The following DYNC2I1 variants were observed in gnomAD, a reference collection of about 807,000 sequenced individuals.
DYNC2I1 encodes dynein 2 intermediate chain 1, also known as cytoplasmic dynein 2 intermediate chain 1.
DYNC2I1 carries 89 observed loss-of-function variants against 133.4 expected under a neutral mutation model. The observed-to-expected ratio is 0.67, with a 90% confidence interval of 0.56 to 0.80. DYNC2I1 has a LOEUF of 0.80. Among genes scored for constraint, DYNC2I1 ranks in the 30% least tolerant of loss-of-function variants. The probability of loss-of-function intolerance (pLI) is 0.00; values close to 1 mark genes in which losing one functional copy is unlikely to be tolerated. For missense variants in DYNC2I1, 1,291 were observed against 1,314.5 expected (o/e 0.98, Z 0.28); for synonymous variants, 504 against 484.3 (o/e 1.04, Z -0.54).
chr7:158,856,260 C>G (rs1171410250), upstream of DYNC2I1, among the ~76,000 whole-genome samples: 1 of 152,182 alleles, frequency 6.6e-6, no homozygotes, highest in Non-Finnish European at 1.5e-5. Context: ...ACGTAAAGCT[C>G]TTTTCAATAT....
intron 6 of DYNC2I1, among the ~76,000 whole-genome samples, chr7:158,885,997 C>A (rs1844559471): frequency 6.7e-6 from 1 of 149,560 alleles, no homozygotes; most frequent in South Asian, 2.1e-4. Context: ...ATAAATCTTT[C>A]TTTTAGAAAG....
chr7:158,914,199 A>T, intron 13 of DYNC2I1, 34 bp from the exon 14 acceptor site: 1 of 1,558,206 alleles, frequency 6.4e-7, no homozygotes. Context: ...TTTAGAGTCG[A>T]CTTCGTTGAT....
intron 21 of DYNC2I1, 51 bp from the exon 22 acceptor site, chr7:158,934,078 C>A (rs1360735994): frequency 1.6e-6 from 2 of 1,281,856 alleles, no homozygotes; most frequent in Non-Finnish European, 2.2e-6. Flanking sequence ...CATCATTATT[C>A]TTAAGGTTGG....
Position 158,876,725 on chromosome 7 carries a change from A to G in DYNC2I1, c.573+34A>G, listed in dbSNP as rs748141402. The G allele has an allele frequency of 7.3e-6, 11 of 1,516,370 alleles. No individual in the cohort carries two copies. The South Asian group carries it at 1.5e-4, about 20-fold the overall frequency. The allele number at this position is 1,516,370 out of a possible 1,614,324, so 93.9% of individuals were successfully genotyped here. On this transcript the variant is annotated intron_variant, in intron 4 of 24. Coordinates refer to ENST00000407559, the MANE Select transcript of DYNC2I1 (RefSeq NM_018051.5). ...AGCAAGGCCTGGGGAAAAGTTTTCC[A>G]AATGTTGCCAAGTAAAGGATGTTTT...
chr7:158,915,521 G>A (rs1848045300), intron 14 of DYNC2I1, among the ~76,000 whole-genome samples: 3 of 150,926 alleles, frequency 2.0e-5, no homozygotes, highest in Non-Finnish European at 3.0e-5. Flanking sequence ...TGAGATAAAG[G>A]ATGATGGTGA....
intron 15 of DYNC2I1, among the ~76,000 whole-genome samples, chr7:158,920,593 G>A (rs534471442): frequency 6.6e-6 from 1 of 152,202 alleles, no homozygotes; most frequent in East Asian, 1.9e-4. Context: ...CACGTGAAGT[G>A]CATGTGTGTA....
intron 4 of DYNC2I1, among the ~76,000 whole-genome samples, chr7:158,877,863 G>A (rs1471417338): frequency 6.6e-6 from 1 of 152,216 alleles, no homozygotes; most frequent in African/African-American, 2.4e-5. Flanking sequence ...TGAGAGATGT[G>A]GCAGCCTTGT....
rs543701799 is a variant in DYNC2I1, at chr7:158,857,852, A to G, written c.15+1102A>G. 3.5e-4 allele frequency among the ~76,000 whole-genome samples: 50 copies of G among 144,232 alleles called. 2 individuals are homozygous for G. The South Asian group carries it at 4.9e-3, about 14-fold the overall frequency. The allele number at this position is 144,232 out of a possible 152,430, so 94.6% of individuals were successfully genotyped here. ...GTCGCCCAGGCTGGAGTACAGTGGC[A>G]CGATCTCTACTCACCGCAACCTCCA... On this transcript the variant is annotated intron_variant, in intron 1 of 24. Coordinates refer to ENST00000407559, the MANE Select transcript of DYNC2I1 (RefSeq NM_018051.5).
At chr7:158,857,353 C>T (rs532216371) in intron 1 of DYNC2I1, among the ~76,000 whole-genome samples, 5 of 152,236 alleles carry the variant, frequency 3.3e-5, no homozygotes, top group South Asian at 4.1e-4. Flanking sequence ...CTTTCATTAA[C>T]ACTCAATAAA....
In DYNC2I1 at chr7:158,923,711, C is replaced by G; in HGVS notation, c.2235C>G (p.Phe745Leu). ...CGCTGAGCGATGGCTTCTGGACGTT[C>G]CGGACCGCCACGTTTTCCACCGGTC... ...SVTLSDGFWT[F>L]RTATFSTDGI... is the part of the protein sequence containing the mutation. Residue 745 changes from phenylalanine (F) to leucine (L), a missense_variant, in exon 17 of 25, where the codon TTC becomes TTG. Coordinates refer to ENST00000407559, the MANE Select transcript of DYNC2I1 (RefSeq NM_018051.5). 1.2e-6 allele frequency: 2 copies of G among 1,611,856 alleles called. No homozygotes were observed. The highest frequency in any genetic ancestry group is 1.7e-5 in the Admixed American group (1 of 59,804).
intron 14 of DYNC2I1, among the ~76,000 whole-genome samples, chr7:158,915,038 G>C (rs1420335216): frequency 6.6e-6 from 1 of 152,166 alleles, no homozygotes; most frequent in Non-Finnish European, 1.5e-5. Flanking sequence ...GTGGAACGTT[G>C]TGAAACCTCA....
At chr7:158,894,854 G>A (rs1845618115) in intron 8 of DYNC2I1, among the ~76,000 whole-genome samples, 1 of 144,858 alleles carries the variant, frequency 6.9e-6, no homozygotes, top group African/African-American at 2.6e-5. Flanking sequence ...CCTGCATTCG[G>A]TGTTGTTGGT....
Position 158,925,574 on chromosome 7 carries a change from A to G in DYNC2I1, c.2258-613A>G, listed in dbSNP as rs566044134. ...GTTTGGCGTTTTTCTACTTGTAGAC[A>G]TTCTGTAGGTGTATATTTTAGGTCA... On this transcript the variant is annotated intron_variant, in intron 17 of 24. Transcript: ENST00000407559. Among the ~76,000 whole-genome samples, 3 of 152,118 alleles carry G rather than the reference A, an allele frequency of 2.0e-5. No individual in the cohort carries two copies. In the South Asian group the frequency reaches 6.2e-4, roughly 32 times the overall value.
At position 158,918,963 on chromosome 7, in the gene DYNC2I1, A is replaced by G. The variant is rs553578875; in HGVS notation, c.1921+94A>G. The G allele has an allele frequency of 6.2e-5, 82 of 1,314,120 alleles. 1 individual carries two copies. The East Asian group carries it at 2.0e-3, about 32-fold the overall frequency. 81.4% of individuals were successfully genotyped at this position (1,314,120 alleles called of 1,614,324 possible). A position where few individuals can be genotyped will look rare whatever the true frequency, so the allele number is the denominator to read the frequency against. ...TAGTATAATATTTTATTTTAATGTG[A>G]TGGGGTTTAATGTACATAAAACTGA... On this transcript the variant is annotated intron_variant, in intron 15 of 24. Transcript: ENST00000407559.
the DYNC2I1 span, among the ~76,000 whole-genome samples, chr7:158,839,911 C>G: frequency 6.6e-6 from 1 of 152,054 alleles, no homozygotes; most frequent in African/African-American, 2.4e-5. Flanking sequence ...GCCCCAGCCT[C>G]TTGGGTTGAT....
At chr7:158,921,421 C>G (rs1849076352) in intron 15 of DYNC2I1, among the ~76,000 whole-genome samples, 1 of 152,146 alleles carries the variant, frequency 6.6e-6, no homozygotes, top group African/African-American at 2.4e-5. Context: ...CTAAAAATCG[C>G]TACACCGTGG....
intron 4 of DYNC2I1, among the ~76,000 whole-genome samples, chr7:158,954,981 G>A (rs1327233171): frequency 1.3e-5 from 2 of 151,208 alleles, no homozygotes; most frequent in Admixed American, 1.3e-4. Flanking sequence ...TCCCTCCAGA[G>A]AAAGTGCCCA....
chr7:158,862,496 T>G (rs1366359439), intron 1 of DYNC2I1, among the ~76,000 whole-genome samples: 2 of 150,302 alleles, frequency 1.3e-5, no homozygotes, highest in African/African-American at 4.9e-5. Flanking sequence ...GAGGGAGGAT[T>G]GTTTGAGGAT....
At chr7:158,870,732 T>G (rs910699558) in intron 2 of DYNC2I1, among the ~76,000 whole-genome samples, 1 of 152,130 alleles carries the variant, frequency 6.6e-6, no homozygotes, top group Admixed American at 6.5e-5. Context: ...AGGTGCAGGT[T>G]TCTTACATGC....
Sources: allele counts gnomAD v4.1 joint callset (sites outside exome capture counted in the v4.1 genomes callset), GRCh38; gene constraint gnomAD v4.1.1; transcripts MANE v1.5; gene names NCBI Gene and HGNC (gene_info 2026-07-23, HGNC 2026-07-21).